Variants in CNTNAP2 observed in about 807,000 individuals in gnomAD.
CNTNAP2 encodes the protein contactin-associated protein-like 2.
A neutral mutation model predicts 155.2 loss-of-function variants in CNTNAP2; 98 were observed. That is an observed-to-expected ratio of 0.63 (90% CI 0.54 to 0.75). CNTNAP2 has a LOEUF of 0.75. CNTNAP2 is among the 30% of genes least tolerant of loss of function. The pLI, the probability that CNTNAP2 is intolerant of heterozygous loss-of-function variation, is 0.00. For missense variants in CNTNAP2, 1,727 were observed against 1,688.1 expected, an observed-to-expected ratio of 1.02 and a Z score of -0.40; for synonymous variants, 651 against 631.2, an observed-to-expected ratio of 1.03 and a Z score of -0.47.
intron 13 of CNTNAP2, among the ~76,000 whole-genome samples, chr7:147,763,774 A>C (rs917307209): frequency 1.3e-5 from 2 of 152,180 alleles, no homozygotes; most frequent in African/African-American, 4.8e-5. Flanking sequence ...ACTACCCAAC[A>C]CAGAGCAGCA....
chr7:146,721,426 CTATA>C (rs1369999765), intron 1 of CNTNAP2, among the ~76,000 whole-genome samples: 1 of 126,158 alleles, frequency 7.9e-6, no homozygotes, highest in Non-Finnish European at 1.6e-5. Context: ...TATATACATT[CTATA>C]TATATTCTAT....
chr7:148,400,849 G>T (rs768012565), intron 22 of CNTNAP2, among the ~76,000 whole-genome samples: 6 of 151,948 alleles, frequency 3.9e-5, no homozygotes, highest in Non-Finnish European at 5.9e-5. Flanking sequence ...GCATGGTGGC[G>T]CATGCCTGTA....
At chr7:148,123,659 GGAAGGA>G (rs2116617479) in intron 16 of CNTNAP2, among the ~76,000 whole-genome samples, 1 of 148,668 alleles carries the variant, frequency 6.7e-6, no homozygotes, top group African/African-American at 2.5e-5. Flanking sequence ...AAGGAAGGAA[GGAAGGA>G]AGGAAGGAAG....
At chr7:148,127,981 C>A (rs1473373492) in intron 16 of CNTNAP2, among the ~76,000 whole-genome samples, 2 of 152,120 alleles carry the variant, frequency 1.3e-5, no homozygotes, top group Non-Finnish European at 2.9e-5. Context: ...GTGATCCTCT[C>A]ACCTCAGCCT....
chr7:147,200,644 T>C (rs1030725040), intron 8 of CNTNAP2, among the ~76,000 whole-genome samples: 1 of 152,164 alleles, frequency 6.6e-6, no homozygotes, highest in African/African-American at 2.4e-5. Flanking sequence ...AAAAAGTTTT[T>C]TAGAAAATGT....
intron 8 of CNTNAP2, among the ~76,000 whole-genome samples, chr7:147,258,326 T>A (rs1343622369): frequency 3.3e-5 from 5 of 152,218 alleles, no homozygotes; most frequent in Non-Finnish European, 7.3e-5. Flanking sequence ...ATATCCAGCA[T>A]CTGAAACATT....
chr7:146,290,455 C>T lies in CNTNAP2; in HGVS notation c.97+173482C>T, dbSNP rs187413045. On this transcript the variant is annotated intron_variant, in intron 1 of 23. Coordinates refer to ENST00000361727, the MANE Select transcript of CNTNAP2 (RefSeq NM_014141.6). ...AAGCTGGTTCTTTAAGAAGCTTATCCGCCAATTCACAATTCTGAAGCACAG... is the reference window on the plus strand; with the variant it reads ...AAGCTGGTTCTTTAAGAAGCTTATCTGCCAATTCACAATTCTGAAGCACAG... Among the ~76,000 whole-genome samples the T allele has an allele frequency of 4.8e-3, 724 of 152,232 alleles. 6 individuals are homozygous for T. The highest frequency in any genetic ancestry group is 0.016 in the African/African-American group (675 of 41,546).
intron 1 of CNTNAP2, among the ~76,000 whole-genome samples, chr7:146,677,450 T>G (rs1239291891): frequency 5.9e-5 from 9 of 152,170 alleles, no homozygotes; most frequent in Non-Finnish European, 1.3e-4. Flanking sequence ...GAGGTCTGCA[T>G]TGGTGGTAAC....
chr7:147,341,950 A>G (rs1310497011), intron 9 of CNTNAP2, among the ~76,000 whole-genome samples: 2 of 152,348 alleles, frequency 1.3e-5, no homozygotes, highest in Middle Eastern at 3.4e-3. Flanking sequence ...AGGCTTAAAC[A>G]TCAAACATTT....
At chr7:147,021,206 C>CT (rs1798812239) in intron 3 of CNTNAP2, among the ~76,000 whole-genome samples, 1 of 151,966 alleles carries the variant, frequency 6.6e-6, no homozygotes, top group African/African-American at 2.4e-5. Flanking sequence ...TTTGGCAATT[C>CT]TTTTTTAGCT....
At chr7:147,717,705 T>G (rs1796501601) in intron 13 of CNTNAP2, among the ~76,000 whole-genome samples, 2 of 151,918 alleles carry the variant, frequency 1.3e-5, no homozygotes, top group Non-Finnish European at 1.5e-5. Context: ...ATGAAAAAAA[T>G]TTTGAGGAGA....
At chr7:147,055,509 T>TCC (rs1358285481) in intron 4 of CNTNAP2, among the ~76,000 whole-genome samples, 1 of 152,164 alleles carries the variant, frequency 6.6e-6, no homozygotes, top group African/African-American at 2.4e-5. Flanking sequence ...AGGATTCCTG[T>TCC]CCTGGGGTTA....
intron 11 of CNTNAP2, among the ~76,000 whole-genome samples, chr7:147,554,716 A>G (rs559150113): frequency 6.4e-4 from 98 of 152,266 alleles, no homozygotes; most frequent in African/African-American, 2.1e-3. Context: ...TCATGACACA[A>G]TATTAGCATA....
intron 8 of CNTNAP2, among the ~76,000 whole-genome samples, chr7:147,288,392 T>G (rs1293565394): frequency 6.6e-6 from 1 of 152,056 alleles, no homozygotes; most frequent in Non-Finnish European, 1.5e-5. Context: ...AATTAATGAG[T>G]GAATAAATGA....
At chr7:148,007,872 C>A (rs1411295983) in intron 15 of CNTNAP2, among the ~76,000 whole-genome samples, 2 of 152,054 alleles carry the variant, frequency 1.3e-5, no homozygotes, top group Admixed American at 1.3e-4. Context: ...TGGCTCCTGG[C>A]CTAAAAAGGT....
chr7:147,518,005 C>T (rs918783847), intron 11 of CNTNAP2, among the ~76,000 whole-genome samples: 1 of 152,124 alleles, frequency 6.6e-6, no homozygotes, highest in Non-Finnish European at 1.5e-5. Flanking sequence ...GATCATGGCT[C>T]ACTGCAACCT....
intron 14 of CNTNAP2, among the ~76,000 whole-genome samples, chr7:147,973,838 G>T (rs1037962170): frequency 6.6e-5 from 10 of 152,092 alleles, no homozygotes; most frequent in Admixed American, 1.3e-4. Context: ...GGTAAACTTT[G>T]TCTAGCTAAA....
At chr7:146,225,472 A>C (rs1210084255) in intron 1 of CNTNAP2, among the ~76,000 whole-genome samples, 1 of 152,204 alleles carries the variant, frequency 6.6e-6, no homozygotes, top group African/African-American at 2.4e-5. Context: ...TAATAAACAA[A>C]GTTTTAGTGG....
intron 1 of CNTNAP2, among the ~76,000 whole-genome samples, chr7:146,158,626 T>C (rs1247825148): frequency 1.3e-5 from 2 of 151,946 alleles, no homozygotes; most frequent in East Asian, 3.9e-4. Flanking sequence ...TTCAATCAAG[T>C]GGAAGAAAGG....
Sources: allele counts gnomAD v4.1 joint callset (sites outside exome capture counted in the v4.1 genomes callset), GRCh38; gene constraint gnomAD v4.1.1; transcripts MANE v1.5; gene names NCBI Gene and HGNC (gene_info 2026-07-23, HGNC 2026-07-21).